Variants in FA2H observed in about 807,000 individuals in gnomAD.
FA2H encodes the protein fatty acid 2-hydroxylase.
Under a neutral mutation model 44.9 loss-of-function variants are expected in FA2H, and 22 were observed. That is an observed-to-expected ratio of 0.49 (90% CI 0.35 to 0.70). The LOEUF (loss-of-function observed/expected upper bound fraction) is 0.70. FA2H is among the 30% of genes least tolerant of loss of function. FA2H has a pLI of 0.01. For missense variants in FA2H, 501 were observed against 504.9 expected, an observed-to-expected ratio of 0.99 and a Z score of 0.07; for synonymous variants, 243 against 213.2, an observed-to-expected ratio of 1.14 and a Z score of -1.22.
chr16:74,746,516 G>A (rs73614696), intron 1 of FA2H, among the ~76,000 whole-genome samples: 9,763 of 151,970 alleles, frequency 0.064, 330 homozygotes, highest in Non-Finnish European at 0.075. Flanking sequence ...AAGCCACTGC[G>A]CCTGGCCCTG....
chr16:74,739,407 G>A (rs1402270688), intron 2 of FA2H, among the ~76,000 whole-genome samples: 1 of 151,960 alleles, frequency 6.6e-6, no homozygotes, highest in African/African-American at 2.4e-5. Flanking sequence ...CTCCCCTGCC[G>A]CTGAGTGACT....
intron 2 of FA2H, among the ~76,000 whole-genome samples, chr16:74,733,619 G>C (rs1962121898): frequency 6.6e-6 from 1 of 152,190 alleles, no homozygotes; most frequent in South Asian, 2.1e-4. Flanking sequence ...GAGGTTCCAG[G>C]CCTCTCACTT....
chr16:74,747,267 C>T lies in FA2H; in HGVS notation c.271-7152G>A, dbSNP rs751018747. ...TGGAGGCTGCAGTGAGCCGAGATCT[C>T]GCCACTGCACTCCAGCCTGGGTGAC... On this transcript the variant is annotated intron_variant, in intron 1 of 6. Transcript: ENST00000219368. Among the ~76,000 whole-genome samples the T allele has an allele frequency of 5.3e-5, 8 of 151,980 alleles. No individual in the cohort carries two copies. The South Asian group carries it at 8.3e-4, about 16-fold the overall frequency.
At chr16:74,770,982 G>A (rs1272187735) in intron 1 of FA2H, among the ~76,000 whole-genome samples, 2 of 152,154 alleles carry the variant, frequency 1.3e-5, no homozygotes, top group African/African-American at 4.8e-5. Context: ...GTGCTAGGTG[G>A]TTAGCAGAGC....
chr16:74,722,879 C>T (rs1156964022), intron 4 of FA2H, among the ~76,000 whole-genome samples: 1 of 144,964 alleles, frequency 6.9e-6, no homozygotes, highest in Non-Finnish European at 1.5e-5. Flanking sequence ...CCATTGCACT[C>T]CAGCATGGGC....
intron 1 of FA2H, among the ~76,000 whole-genome samples, chr16:74,765,442 C>T (rs1461615827): frequency 6.6e-6 from 1 of 152,182 alleles, no homozygotes; most frequent in Non-Finnish European, 1.5e-5. Flanking sequence ...CAGGCATGAG[C>T]CACCGTGCCC....
chr16:74,719,284 C>G, intron 4 of FA2H, 124 bp from the exon 5 acceptor site: 3 of 782,948 alleles, frequency 3.8e-6, no homozygotes, highest in Non-Finnish European at 6.3e-6. Context: ...AGCTACAGGG[C>G]CAGGCCATAC....
chr16:74,724,604 C>T (rs1251432089), intron 4 of FA2H, among the ~76,000 whole-genome samples: 1 of 152,220 alleles, frequency 6.6e-6, no homozygotes, highest in Non-Finnish European at 1.5e-5. Context: ...TTTTCTCTGC[C>T]TGTGGCTTGT....
chr16:74,733,280 T>C (rs558355411), intron 2 of FA2H, among the ~76,000 whole-genome samples: 2 of 152,340 alleles, frequency 1.3e-5, no homozygotes, highest in African/African-American at 4.8e-5. Flanking sequence ...GACTGGGGCC[T>C]CAGTCTCGCT....
chr16:74,735,826 TAAGAA>T (rs1174110822), intron 2 of FA2H, among the ~76,000 whole-genome samples: 1 of 151,952 alleles, frequency 6.6e-6, no homozygotes, highest in Non-Finnish European at 1.5e-5. Context: ...CAAAAAAATT[TAAGAA>T]AATTAGCCAG....
intron 6 of FA2H, among the ~76,000 whole-genome samples, chr16:74,716,080 C>T (rs1961688592): frequency 6.6e-6 from 1 of 152,128 alleles, no homozygotes; most frequent in Non-Finnish European, 1.5e-5. Context: ...TTCCCAATCC[C>T]CTCGGCTGGG....
At chr16:74,766,374 G>A (rs759513693) in intron 1 of FA2H, among the ~76,000 whole-genome samples, 1 of 152,100 alleles carries the variant, frequency 6.6e-6, no homozygotes, top group Non-Finnish European at 1.5e-5. Context: ...GAGTCTGAGT[G>A]AAGGGGAAAA....
chr16:74,743,787 C>A (rs1374416856), intron 1 of FA2H, among the ~76,000 whole-genome samples: 3 of 152,178 alleles, frequency 2.0e-5, no homozygotes, highest in Non-Finnish European at 4.4e-5. Context: ...TGGGTGGCTT[C>A]ATTGGGACCA....
intron 2 of FA2H, among the ~76,000 whole-genome samples, chr16:74,729,397 C>T (rs545584395): frequency 6.6e-6 from 1 of 152,320 alleles, no homozygotes; most frequent in Non-Finnish European, 1.5e-5. Flanking sequence ...CTGCCTCAGC[C>T]TCTTGGGTAG....
intron 2 of FA2H, among the ~76,000 whole-genome samples, chr16:74,730,270 C>G (rs1962047590): frequency 6.6e-6 from 1 of 152,092 alleles, no homozygotes; most frequent in Non-Finnish European, 1.5e-5. Flanking sequence ...GCCATGTGAA[C>G]TTGGCAGGTC....
At chr16:74,761,409 C>T (rs796387383) in intron 1 of FA2H, among the ~76,000 whole-genome samples, 15 of 150,768 alleles carry the variant, frequency 9.9e-5, no homozygotes, top group African/African-American at 3.4e-4. Flanking sequence ...CCTGAGATCA[C>T]GCCACTGCAC....
In FA2H at chr16:74,726,311, C is replaced by T; in HGVS notation, c.527G>A (p.Trp176Ter). Residue 176 changes from tryptophan (W) to a stop codon, truncating the protein, a stop_gained, in exon 4 of 7, where the codon TGG becomes TAG. Coordinates refer to ENST00000219368, the MANE Select transcript of FA2H (RefSeq NM_024306.5). LOFTEE classifies it high-confidence loss of function. ...KTVWYSVPII[W>*]VPLVLYLSWS... ...GCTGAGATACAGCACCAGGGGCACC[C>T]AGATGATGGGGACACTGTACCTGCA... is the stretch of plus-strand genomic sequence containing the variant. 2 of 1,613,732 alleles carry T rather than the reference C, an allele frequency of 1.2e-6. No homozygotes were observed. Among genetic ancestry groups the T allele is most frequent in the Non-Finnish European group, 1.7e-6 (2 of 1,179,764 alleles).
At chr16:74,738,869 G>A (rs1962234643) in intron 2 of FA2H, among the ~76,000 whole-genome samples, 2 of 152,246 alleles carry the variant, frequency 1.3e-5, no homozygotes, top group African/African-American at 4.8e-5. Context: ...CCTCTGGCTG[G>A]CCTCCATCTT....
intron 5 of FA2H, 55 bp downstream of exon 5, chr16:74,718,933 C>G: frequency 6.3e-7 from 1 of 1,597,840 alleles, no homozygotes; most frequent in East Asian, 2.2e-5. Flanking sequence ...GGCTGGCTGC[C>G]GGGCCCTCTC....
Sources: gnomAD v4.1 joint callset for allele counts (sites outside exome capture counted in the v4.1 genomes callset) on GRCh38, gnomAD v4.1.1 for gene constraint, MANE v1.5 for transcripts, NCBI Gene and HGNC (gene_info 2026-07-23, HGNC 2026-07-21) for gene names.